The following CPSF6 variants were observed in gnomAD, a reference collection of about 807,000 sequenced individuals.
The protein encoded by CPSF6 is cleavage and polyadenylation specific factor 6, also known as cleavage and polyadenylation specificity factor subunit 6.
In CPSF6, 10 loss-of-function variants were observed where a neutral mutation model predicts 56.7. That is an observed-to-expected ratio of 0.18 (90% CI 0.11 to 0.30). CPSF6 has a LOEUF of 0.30. CPSF6 is among the 10% of genes least tolerant of loss of function. The probability of loss-of-function intolerance (pLI) is 1.00; values close to 1 mark genes in which losing one functional copy is unlikely to be tolerated. For missense variants in CPSF6, 419 were observed against 722.9 expected (o/e 0.58, Z 4.82); for synonymous variants, 248 against 244.8 (o/e 1.01, Z -0.12).
intron 6 of CPSF6, 133 bp downstream of exon 6, chr12:69,259,227 GTTT>G: frequency 8.0e-7 from 1 of 1,253,476 alleles, no homozygotes; most frequent in Non-Finnish European, 1.1e-6. Flanking sequence ...CTGCTACCCT[GTTT>G]TAGCTGAAAG....
At position 69,268,714 on chromosome 12, in the gene CPSF6, A is replaced by T. The variant is rs186971101; in HGVS notation, c.*4-798A>T. ...ATGTTTCTTGTGAACCTCTACCTGAAGTTTGCATATATATGTATTCTTTAA... is the reference window on the plus strand; with the variant it reads ...ATGTTTCTTGTGAACCTCTACCTGATGTTTGCATATATATGTATTCTTTAA... On this transcript the variant is annotated intron_variant, in intron 9 of 9. Transcript: ENST00000435070. Among the ~76,000 whole-genome samples, 632 of 151,764 alleles carry T rather than the reference A, an allele frequency of 4.2e-3. 5 individuals are homozygous for T. Among genetic ancestry groups the T allele is most frequent in the Non-Finnish European group, 4.4e-3 (297 of 67,658 alleles).
At chr12:69,257,386 T>C (rs1262019167) in intron 4 of CPSF6, among the ~76,000 whole-genome samples, 6 of 152,240 alleles carry the variant, frequency 3.9e-5, no homozygotes, top group Admixed American at 3.9e-4. Flanking sequence ...GTTTTAGCAC[T>C]TAAGACTTAA....
chr12:69,258,077 TC>T lies in CPSF6; in HGVS notation c.694+174del. The T allele has an allele frequency of 6.5e-7, 1 of 1,537,274 alleles. No individual in the cohort carries two copies. The highest frequency in any genetic ancestry group is 8.7e-7 in the Non-Finnish European group (1 of 1,146,902). On this transcript the variant is annotated intron_variant, in intron 5 of 9. Coordinates refer to ENST00000435070, the MANE Select transcript of CPSF6 (RefSeq NM_007007.3). This position sits in a 1 kb window ranked among gnomAD's most constrained non-coding sequence, Gnocchi z 4.2. ...CTTGTTAAAGGAACTCGGCCTTTGT[TC>T]CTGGAAACTAGGATTCCATGGCATA... is the stretch of plus-strand genomic sequence containing the variant.
rs1458656299 is a variant in CPSF6 at position 69,258,286 on chromosome 12, G to A, written c.695-304G>A. Reference sequence around the variant, plus strand: ...GCTTGGCATCAGAGTAGAATATAAGGTGGGTGATTTCACTGTAAGAAGTGT... The same window carrying A: ...GCTTGGCATCAGAGTAGAATATAAGATGGGTGATTTCACTGTAAGAAGTGT... On this transcript the variant is annotated intron_variant, in intron 5 of 9. Coordinates refer to ENST00000435070, the MANE Select transcript of CPSF6 (RefSeq NM_007007.3). The surrounding 1 kb of genome is among the most constrained non-coding windows in gnomAD (Gnocchi z 4.2). The A allele has an allele frequency of 9.7e-6, 6 of 619,358 alleles. No individual in the cohort carries two copies. The highest frequency in any genetic ancestry group is 9.0e-5 in the South Asian group (4 of 44,684). The allele number at this position is 619,358 out of a possible 1,614,324, so 38.4% of individuals were successfully genotyped here.
chr12:69,252,800 C>T (rs540473048), intron 2 of CPSF6, among the ~76,000 whole-genome samples: 1 of 152,242 alleles, frequency 6.6e-6, no homozygotes, highest in African/African-American at 2.4e-5. Context: ...TCTTGAGAGT[C>T]AAATCTTATT....
chr12:69,243,519 A>G (rs572037235), intron 1 of CPSF6, among the ~76,000 whole-genome samples: 6 of 152,306 alleles, frequency 3.9e-5, no homozygotes, highest in South Asian at 2.1e-4. Context: ...CTCCTAGGCT[A>G]CAAACTTGTA....
Position 69,242,953 on chromosome 12 carries a change from C to T in CPSF6, c.60+3247C>T, listed in dbSNP as rs201223866. 1.4e-4 allele frequency among the ~76,000 whole-genome samples: 22 copies of T among 152,074 alleles called. No homozygotes were observed. In the East Asian group the frequency reaches 3.9e-3, roughly 27 times the overall value. On this transcript the variant is annotated intron_variant, in intron 1 of 9. Transcript: ENST00000435070. ...GTGAAACCCCATCTCTATCAAAATA[C>T]AAAAATTGGCCGAGTATGGTGGTGC...
intron 9 of CPSF6, among the ~76,000 whole-genome samples, chr12:69,268,864 A>G (rs1315064051): frequency 6.6e-6 from 1 of 151,718 alleles, no homozygotes; most frequent in African/African-American, 2.4e-5. Context: ...GTATTTCTAT[A>G]TAGGTGGAAT....
In CPSF6 at chr12:69,274,135, A is replaced by G. The variant is rs1873395094; in HGVS notation, c.*4627A>G. On this transcript the variant is annotated 3_prime_UTR_variant, in exon 10 of 10. Coordinates refer to ENST00000435070, the MANE Select transcript of CPSF6 (RefSeq NM_007007.3). ...TTTTTTTTTTTTTTTTTTGCTGTCC[A>G]TGAGAATTAGACTTCATATTAGCTT... 2 of 101,982 alleles carry G rather than the reference A, an allele frequency of 2.0e-5. No individual in the cohort carries two copies. The highest frequency in any genetic ancestry group is 1.1e-4 in the Admixed American group (1 of 8,844). 6.3% of individuals were successfully genotyped at this position (101,982 alleles called of 1,614,324 possible). A position where few individuals can be genotyped will look rare whatever the true frequency, so the allele number is the denominator to read the frequency against.
At position 69,272,962 on chromosome 12, in the gene CPSF6, C is replaced by G. The variant is rs1224293120; in HGVS notation, c.*3454C>G. 1 of 214,632 alleles carries G rather than the reference C, an allele frequency of 4.7e-6. No individual in the cohort carries two copies. The highest frequency in any genetic ancestry group is 9.7e-6 in the Non-Finnish European group (1 of 102,986). The allele number at this position is 214,632 out of a possible 1,614,324, so 13.3% of individuals were successfully genotyped here. On this transcript the variant is annotated 3_prime_UTR_variant, in exon 10 of 10. Coordinates refer to ENST00000435070, the MANE Select transcript of CPSF6 (RefSeq NM_007007.3). The stretch of plus-strand genomic sequence containing the variant: ...GTATTTATTTTTTTAAGCAACTTGA[C>G]TCTTAGAAGCCTTAGACTGATTTTT...
chr12:69,254,444 A>G (rs1202544107), intron 3 of CPSF6, among the ~76,000 whole-genome samples: 1 of 152,168 alleles, frequency 6.6e-6, no homozygotes, highest in Non-Finnish European at 1.5e-5. Flanking sequence ...TCAGGACTCA[A>G]ACTGTTTAAG....
At chr12:69,255,348 G>A (rs1365244118) in intron 3 of CPSF6, among the ~76,000 whole-genome samples, 4 of 152,096 alleles carry the variant, frequency 2.6e-5, no homozygotes, top group Non-Finnish European at 5.9e-5. Context: ...GAATATTTGT[G>A]TACCCATTTT....
In CPSF6 at chr12:69,272,461, A is replaced by G. The variant is rs1873290442; in HGVS notation, c.*2953A>G. ...AGGGCAAAGACTTTCTCTTTCCCTTATGTATTTAACTGTGCCAATCTAAAT... is the reference window on the plus strand; with the variant it reads ...AGGGCAAAGACTTTCTCTTTCCCTTGTGTATTTAACTGTGCCAATCTAAAT... On this transcript the variant is annotated 3_prime_UTR_variant, in exon 10 of 10. Coordinates refer to ENST00000435070, the MANE Select transcript of CPSF6 (RefSeq NM_007007.3). 1 of 151,722 alleles carries G rather than the reference A, an allele frequency of 6.6e-6. No individual in the cohort carries two copies. Among genetic ancestry groups the G allele is most frequent in the African/African-American group, 2.4e-5 (1 of 41,420 alleles). The allele number at this position is 151,722 out of a possible 1,614,324, so 9.4% of individuals were successfully genotyped here. A position where few individuals can be genotyped will look rare whatever the true frequency, so the allele number is the denominator to read the frequency against.
intron 1 of CPSF6, among the ~76,000 whole-genome samples, chr12:69,249,623 C>T: frequency 6.6e-6 from 1 of 152,014 alleles, no homozygotes; most frequent in East Asian, 1.9e-4. Context: ...TGGTTCACAC[C>T]AATACAAGTA....
chr12:69,250,371 A>G (rs1872169602), intron 1 of CPSF6, among the ~76,000 whole-genome samples: 1 of 151,936 alleles, frequency 6.6e-6, no homozygotes, highest in Non-Finnish European at 1.5e-5. Flanking sequence ...TTCCAAGGAA[A>G]GTTTCATGTT....
intron 5 of CPSF6, 76 bp downstream of exon 5, chr12:69,257,981 T>C: frequency 6.4e-7 from 1 of 1,555,412 alleles, no homozygotes. Flanking sequence ...CTTTTTCAAG[T>C]AATGCATTAT....
chr12:69,262,665 C>T, intron 9 of CPSF6, 103 bp downstream of exon 9: 2 of 1,228,206 alleles, frequency 1.6e-6, no homozygotes, highest in Non-Finnish European at 2.1e-6. Context: ...TTAAATGGTC[C>T]AACTACTTGT....
intron 9 of CPSF6, among the ~76,000 whole-genome samples, chr12:69,267,119 C>T (rs959295265): frequency 3.9e-5 from 6 of 151,984 alleles, no homozygotes; most frequent in Admixed American, 3.9e-4. Flanking sequence ...TAGTGCATCT[C>T]TAAAATTATG....
Position 69,270,920 on chromosome 12 carries a change from G to A in CPSF6, c.*1412G>A, listed in dbSNP as rs1238363546. On this transcript the variant is annotated 3_prime_UTR_variant, in exon 10 of 10. Transcript: ENST00000435070. ...TTTTAAGATCTGATTATCTTTGAGA[G>A]ATCTTCTGTTAATACACATTGGTTG... is the stretch of plus-strand genomic sequence containing the variant. The A allele has an allele frequency of 6.6e-6, 1 of 151,716 alleles. No individual in the cohort carries two copies. The highest frequency in any genetic ancestry group is 2.4e-5 in the African/African-American group (1 of 41,396). 9.4% of individuals were successfully genotyped at this position (151,716 alleles called of 1,614,324 possible).
Sources: gnomAD v4.1 joint callset for allele counts (sites outside exome capture counted in the v4.1 genomes callset) on GRCh38, gnomAD v4.1.1 for gene constraint, Gnocchi (gnomAD v3.1) non-coding constraint, MANE v1.5 for transcripts, NCBI Gene and HGNC (gene_info 2026-07-23, HGNC 2026-07-21) for gene names.